Variants in BMPR2 observed in about 807,000 individuals in gnomAD.
BMPR2 encodes the protein bone morphogenetic protein receptor type 2, also known as bone morphogenetic protein receptor type-2.
Under a neutral mutation model 100.8 loss-of-function variants are expected in BMPR2, and 29 were observed. That is an observed-to-expected ratio of 0.29 (90% CI 0.21 to 0.39). The LOEUF is 0.39. Among genes scored for constraint, BMPR2 ranks in the 10% least tolerant of loss-of-function variants. The probability of loss-of-function intolerance (pLI) is 1.00; values close to 1 mark genes in which losing one functional copy is unlikely to be tolerated. For synonymous variants in BMPR2, 382 were observed against 442.3 expected (o/e 0.86, Z 1.71); for missense variants, 1,011 against 1,274.5 (o/e 0.79, Z 3.15).
chr2:202,467,714 T>C, intron 3 of BMPR2, 25 bp downstream of exon 3: 5 of 1,587,712 alleles, frequency 3.1e-6, no homozygotes, highest in African/African-American at 1.3e-5. Flanking sequence ...CAACTTTTCT[T>C]TGTATTTCCT....
chr2:202,444,399 G>T (rs1344357674), intron 1 of BMPR2, among the ~76,000 whole-genome samples: 2 of 150,598 alleles, frequency 1.3e-5, no homozygotes, highest in Admixed American at 6.6e-5. Flanking sequence ...TGCTTGTGAA[G>T]AAATCCGTAG....
chr2:202,540,203 G>A (rs1314401523), intron 9 of BMPR2, among the ~76,000 whole-genome samples: 1 of 151,928 alleles, frequency 6.6e-6, no homozygotes, highest in Non-Finnish European at 1.5e-5. Context: ...GTGAAATTGT[G>A]AATTTTTAGT....
intron 10 of BMPR2, among the ~76,000 whole-genome samples, chr2:202,550,175 C>G (rs1688450931): frequency 6.6e-6 from 1 of 151,906 alleles, no homozygotes; most frequent in South Asian, 2.1e-4. Context: ...CAAGACCATC[C>G]TGGCCAACAT....
intron 3 of BMPR2, among the ~76,000 whole-genome samples, chr2:202,506,255 C>G (rs1316624765): frequency 2.2e-4 from 33 of 151,968 alleles, no homozygotes; most frequent in Non-Finnish European, 1.2e-4. Flanking sequence ...TTCTTGGGTT[C>G]AAGTGATTCT....
At position 202,466,496 on chromosome 2, in the gene BMPR2, A is replaced by G. The variant is rs113421252; in HGVS notation, c.248-1023A>G. 6.3e-3 allele frequency among the ~76,000 whole-genome samples: 953 copies of G among 152,282 alleles called. 15 individuals are homozygous for G. The highest frequency in any genetic ancestry group is 0.021 in the African/African-American group (889 of 41,560). ...GAGATAGAGTTTTGCCATGTTGGCC[A>G]GGGTGGTCTCGATCTCCTGACCCTC... On this transcript the variant is annotated intron_variant, in intron 2 of 12. Transcript: ENST00000374580.
intron 3 of BMPR2, among the ~76,000 whole-genome samples, chr2:202,512,163 A>G (rs1687637904): frequency 6.6e-6 from 1 of 152,248 alleles, no homozygotes; most frequent in Non-Finnish European, 1.5e-5. Context: ...TTTGATTGAG[A>G]CAAATAAATT....
chr2:202,443,015 A>C (rs1691777980), intron 1 of BMPR2, among the ~76,000 whole-genome samples: 1 of 150,572 alleles, frequency 6.6e-6, no homozygotes, highest in South Asian at 2.1e-4. Context: ...ATAAAGGTTA[A>C]ATAAGATAAG....
intron 1 of BMPR2, among the ~76,000 whole-genome samples, chr2:202,386,490 A>G (rs902881651): frequency 1.3e-5 from 2 of 150,454 alleles, no homozygotes; most frequent in African/African-American, 4.9e-5. Flanking sequence ...GATAGCAAAA[A>G]CTCTTGGCTT....
intron 1 of BMPR2, among the ~76,000 whole-genome samples, chr2:202,445,403 A>G (rs1424246055): frequency 2.0e-5 from 3 of 149,126 alleles, no homozygotes; most frequent in Non-Finnish European, 4.4e-5. Context: ...ATTTTTTAAT[A>G]TTTTGTAGAG....
intron 8 of BMPR2, 34 bp downstream of exon 8, chr2:202,530,988 C>T: frequency 6.2e-7 from 1 of 1,611,216 alleles, no homozygotes; most frequent in Non-Finnish European, 8.5e-7. Flanking sequence ...CACTGATGTA[C>T]TTTGAAATGA....
intron 9 of BMPR2, among the ~76,000 whole-genome samples, chr2:202,540,922 C>T (rs1168224933): frequency 2.0e-5 from 3 of 151,998 alleles, no homozygotes; most frequent in African/African-American, 7.3e-5. Context: ...TCTCTGTGTT[C>T]TTTGCCATGG....
intron 1 of BMPR2, among the ~76,000 whole-genome samples, chr2:202,395,953 C>CA (rs1369240246): frequency 1.3e-5 from 2 of 150,430 alleles, no homozygotes; most frequent in Admixed American, 1.3e-4. Flanking sequence ...AAAAAACAAA[C>CA]AAAAAACAAA....
Position 202,377,103 on chromosome 2 carries a change from A to C in BMPR2, c.-372A>C, listed in dbSNP as rs1320234790. ...CCCGGATCGAATCCCCGCCCTCCGC[A>C]CCCTGGATATGTTTTCTCCCAGACC... On this transcript the variant is annotated 5_prime_UTR_variant, in exon 1 of 13. Transcript: ENST00000374580. The C allele has an allele frequency of 1.9e-6, 1 of 527,464 alleles. No individual in the cohort carries two copies. Among genetic ancestry groups the C allele is most frequent in the African/African-American group, 1.9e-5 (1 of 51,506 alleles). The allele number at this position is 527,464 out of a possible 1,614,324, so 32.7% of individuals were successfully genotyped here.
chr2:202,549,080 T>C (rs1409878978), intron 10 of BMPR2, among the ~76,000 whole-genome samples: 1 of 152,190 alleles, frequency 6.6e-6, no homozygotes, highest in Non-Finnish European at 1.5e-5. Context: ...CTGATCTGCT[T>C]TCTGTCACTA....
At chr2:202,540,720 T>C (rs1688253608) in intron 9 of BMPR2, among the ~76,000 whole-genome samples, 2 of 152,164 alleles carry the variant, frequency 1.3e-5, no homozygotes, top group Admixed American at 6.5e-5. Context: ...GTAAGTGATA[T>C]AAGGAAGGCT....
At chr2:202,414,304 G>A (rs1691078942) in intron 1 of BMPR2, among the ~76,000 whole-genome samples, 1 of 152,168 alleles carries the variant, frequency 6.6e-6, no homozygotes, top group African/African-American at 2.4e-5. Flanking sequence ...AAATGTTTGT[G>A]TTCTGACTGT....
intron 1 of BMPR2, among the ~76,000 whole-genome samples, chr2:202,420,417 A>G (rs1691232585): frequency 6.6e-6 from 1 of 151,922 alleles, no homozygotes; most frequent in Admixed American, 6.6e-5. Context: ...CCTTTCTAAC[A>G]TTGTTTACAG....
chr2:202,436,159 T>C (rs1237308274), intron 1 of BMPR2, among the ~76,000 whole-genome samples: 2 of 150,786 alleles, frequency 1.3e-5, no homozygotes, highest in Non-Finnish European at 2.9e-5. Flanking sequence ...TCATGAAAAC[T>C]TAGTTTTATC....
intron 1 of BMPR2, among the ~76,000 whole-genome samples, chr2:202,427,942 G>A (rs963077014): frequency 1.3e-5 from 2 of 152,142 alleles, no homozygotes; most frequent in East Asian, 1.9e-4. Flanking sequence ...TCATGCCAGT[G>A]TGCTCCAGCC....
Sources: allele counts gnomAD v4.1 joint callset (sites outside exome capture counted in the v4.1 genomes callset), GRCh38; gene constraint gnomAD v4.1.1; transcripts MANE v1.5; gene names NCBI Gene and HGNC (gene_info 2026-07-23, HGNC 2026-07-21).